The following RBFOX1 variants were observed in gnomAD, a reference collection of about 807,000 sequenced individuals.
RBFOX1 encodes RNA binding fox-1 homolog 1.
In RBFOX1, 8 loss-of-function variants were observed where a neutral mutation model predicts 57.7. The ratio of observed to expected loss-of-function variants is 0.14; its 90% CI spans 0.08 to 0.25. The LOEUF (loss-of-function observed/expected upper bound fraction) is 0.25. RBFOX1 is among the 10% of genes least tolerant of loss of function. The probability of loss-of-function intolerance (pLI) is 1.00; values close to 1 mark genes in which losing one functional copy is unlikely to be tolerated. For missense variants in RBFOX1, 611 were observed against 548.5 expected (o/e 1.11, Z -1.14); for synonymous variants, 326 against 222.4 (o/e 1.47, Z -4.15).
chr16:7,708,335 C>G (rs570402589), intron 14 of RBFOX1, among the ~76,000 whole-genome samples: 1 of 152,066 alleles, frequency 6.6e-6, no homozygotes, highest in East Asian at 1.9e-4. Flanking sequence ...AAGCCTATAC[C>G]AGAAGCCATG....
intron 3 of RBFOX1, among the ~76,000 whole-genome samples, chr16:5,682,309 C>G (rs1421792395): frequency 6.6e-6 from 1 of 152,084 alleles, no homozygotes; most frequent in Non-Finnish European, 1.5e-5. Context: ...GGGAGTGGGT[C>G]TGAAGAACTT....
At chr16:7,094,744 C>CTGTGTGTGTGTG (rs370249382) in intron 4 of RBFOX1, among the ~76,000 whole-genome samples, 20,350 of 139,116 alleles carry the variant, frequency 0.15, 1,884 homozygotes, top group Non-Finnish European at 0.2. Context: ...GACTGTACAG[C>CTGTGTGTGTGTG]TGTGTGTGTG....
chr16:7,630,708 T>C lies in RBFOX1; in HGVS notation c.757+25T>C, dbSNP rs200640782. The stretch of plus-strand genomic sequence containing the variant: ...AGTAAGCCCACTGTCGTGGCTCTTT[T>C]TGTTTTGTGACATAAATCTGAGTCC... On this transcript the variant is annotated intron_variant, in intron 11 of 15. Coordinates refer to ENST00000550418, the MANE Select transcript of RBFOX1 (RefSeq NM_018723.4). 7.0e-4 allele frequency: 1,135 copies of C among 1,613,764 alleles called. 9 individuals carry two copies. The African/African-American group carries it at 0.012, about 18-fold the overall frequency.
intron 12 of RBFOX1, among the ~76,000 whole-genome samples, chr16:7,659,169 G>C (rs1460468768): frequency 6.6e-6 from 1 of 152,216 alleles, no homozygotes; most frequent in African/African-American, 2.4e-5. Context: ...GAGTTACCTT[G>C]AGAAGTATTT....
intron 1 of RBFOX1, among the ~76,000 whole-genome samples, chr16:6,074,006 G>A (rs1811317): frequency 0.22 from 32,727 of 151,796 alleles, 4,461 homozygotes; most frequent in Non-Finnish European, 0.3. Flanking sequence ...TGGAGTGCAG[G>A]GGTGCAATCT....
chr16:6,616,187 G>A lies in RBFOX1; in HGVS notation c.-63-38416G>A, dbSNP rs117113419. The stretch of plus-strand genomic sequence containing the variant: ...CATTGTATGTGTATTTAACTTTTCT[G>A]TTCTTTGGTAACTGGATAAACAGTG... On this transcript the variant is annotated intron_variant, in intron 2 of 15. Transcript: ENST00000550418. Among the ~76,000 whole-genome samples the A allele has an allele frequency of 1.1e-4, 17 of 152,220 alleles. No homozygotes were observed. The East Asian group carries it at 3.3e-3, about 29-fold the overall frequency.
At chr16:6,066,293 CAAAAAAAAA>C (rs372412356) in intron 1 of RBFOX1, among the ~76,000 whole-genome samples, 3 of 50,384 alleles carry the variant, frequency 6.0e-5, no homozygotes, top group Non-Finnish European at 8.7e-5. Context: ...GACTCTGTCT[CAAAAAAAAA>C]AAAAAAAAAA....
chr16:7,045,399 C>A (rs551190680), intron 3 of RBFOX1, among the ~76,000 whole-genome samples: 3 of 152,078 alleles, frequency 2.0e-5, no homozygotes, highest in African/African-American at 7.2e-5. Context: ...TTGAAATATC[C>A]TTTTTCTTAT....
At chr16:6,854,586 A>AGTTTTTTTTT in intron 3 of RBFOX1, among the ~76,000 whole-genome samples, 1 of 76,912 alleles carries the variant, frequency 1.3e-5, no homozygotes, top group Non-Finnish European at 2.4e-5. Flanking sequence ...AGGAGAGGTG[A>AGTTTTTTTTT]ATTTTTTTTT....
intron 3 of RBFOX1, among the ~76,000 whole-genome samples, chr16:6,985,967 T>G (rs925666872): frequency 2.2e-4 from 33 of 151,586 alleles, no homozygotes; most frequent in African/African-American, 7.7e-4. Flanking sequence ...TAAGGCACTT[T>G]CCAAACTTAC....
chr16:7,483,347 C>G (rs1419747302), intron 4 of RBFOX1, among the ~76,000 whole-genome samples: 1 of 152,166 alleles, frequency 6.6e-6, no homozygotes, highest in Non-Finnish European at 1.5e-5. Flanking sequence ...ATCAGACTTA[C>G]TGAACCTGTG....
chr16:5,850,629 A>T (rs1321593786), intron 3 of RBFOX1, among the ~76,000 whole-genome samples: 1 of 152,192 alleles, frequency 6.6e-6, no homozygotes, highest in Admixed American at 6.5e-5. Context: ...GTGCATGATC[A>T]CATTTACTCC....
intron 2 of RBFOX1, among the ~76,000 whole-genome samples, chr16:6,533,528 T>C (rs1198396427): frequency 6.6e-6 from 1 of 152,126 alleles, no homozygotes; most frequent in African/African-American, 2.4e-5. Flanking sequence ...ATTGATCCTG[T>C]GCTTTTACCT....
At chr16:7,056,838 G>A (rs1461849885) in intron 4 of RBFOX1, among the ~76,000 whole-genome samples, 1 of 152,126 alleles carries the variant, frequency 6.6e-6, no homozygotes, top group African/African-American at 2.4e-5. Flanking sequence ...TCTGCAATAT[G>A]GCAATGTGAC....
intron 4 of RBFOX1, among the ~76,000 whole-genome samples, chr16:7,161,869 G>A (rs1367887847): frequency 2.0e-5 from 3 of 152,228 alleles, no homozygotes; most frequent in South Asian, 2.1e-4. Flanking sequence ...ATTTCCATTT[G>A]CAGTGCCCAG....
At chr16:6,966,313 T>A (rs2084145489) in intron 3 of RBFOX1, among the ~76,000 whole-genome samples, 1 of 151,158 alleles carries the variant, frequency 6.6e-6, no homozygotes, top group Non-Finnish European at 1.5e-5. Flanking sequence ...AAAATGGGAG[T>A]GAAGGGAGAG....
chr16:6,836,149 A>T (rs1468959525), intron 3 of RBFOX1, among the ~76,000 whole-genome samples: 2 of 152,204 alleles, frequency 1.3e-5, no homozygotes, highest in Non-Finnish European at 1.5e-5. Flanking sequence ...TCATGGGTGA[A>T]CCATTAATAC....
intron 14 of RBFOX1, among the ~76,000 whole-genome samples, chr16:7,692,390 C>G (rs113335705): frequency 3.3e-5 from 5 of 152,078 alleles, no homozygotes; most frequent in Admixed American, 6.5e-5. Flanking sequence ...AAGAAATGCT[C>G]CATCACTAGA....
At chr16:6,300,000 C>T (rs1245246733) in intron 1 of RBFOX1, among the ~76,000 whole-genome samples, 1 of 152,148 alleles carries the variant, frequency 6.6e-6, no homozygotes, top group Admixed American at 6.5e-5. Flanking sequence ...AATGGGATAC[C>T]ATTCAGCTTC....
Sources: allele counts gnomAD v4.1 joint callset (sites outside exome capture counted in the v4.1 genomes callset), GRCh38; gene constraint gnomAD v4.1.1; transcripts MANE v1.5; gene names NCBI Gene and HGNC (gene_info 2026-07-23, HGNC 2026-07-21).